Variants in NOX4 observed in about 807,000 individuals in gnomAD.
NOX4 encodes the protein kidney oxidase-1.
A neutral mutation model predicts 87.6 loss-of-function variants in NOX4; 69 were observed. That is an observed-to-expected ratio of 0.79 (90% CI 0.65 to 0.96). NOX4 has a LOEUF of 0.96. Among genes scored for constraint, NOX4 ranks in the 40% least tolerant of loss-of-function variants. The probability of loss-of-function intolerance (pLI) is 0.00; values close to 1 mark genes in which losing one functional copy is unlikely to be tolerated. For synonymous variants in NOX4, 275 were observed against 238.2 expected, an observed-to-expected ratio of 1.15 and a Z score of -1.42; for missense variants, 680 against 681.5, an observed-to-expected ratio of 1.00 and a Z score of 0.02.
chr11:89,357,843 C>T (rs114813737), intron 12 of NOX4, among the ~76,000 whole-genome samples: 172 of 152,038 alleles, frequency 1.1e-3, no homozygotes, highest in African/African-American at 4.0e-3. Flanking sequence ...GGACATATGA[C>T]AATAATTCCA....
At chr11:89,494,845 G>A (rs979624960), upstream of NOX4, among the ~76,000 whole-genome samples, 17 of 152,192 alleles carry the variant, frequency 1.1e-4, no homozygotes, top group African/African-American at 4.1e-4. Flanking sequence ...GATGTCATGG[G>A]CTAAAACAAC....
At chr11:89,560,961 C>CCTCTCT in the NOX4 span, among the ~76,000 whole-genome samples, 2 of 52,560 alleles carry the variant, frequency 3.8e-5, no homozygotes, top group Non-Finnish European at 6.4e-5. Context: ...CATCTCATCT[C>CCTCTCT]GTCTCTCTCT....
rs1470299274 is a variant in NOX4 at position 89,444,162 on chromosome 11, T to G, written c.420A>C (p.Glu140Asp). The G allele has an allele frequency of 1.2e-6, 2 of 1,613,582 alleles. No individual in the cohort carries two copies. Among genetic ancestry groups the G allele is most frequent in the Non-Finnish European group, 1.7e-6 (2 of 1,179,716 alleles). The change falls in exon 5 of 18, where the codon GAA becomes GAC. Residue 140 changes from glutamate to aspartate, a missense_variant. Coordinates refer to ENST00000263317, the MANE Select transcript of NOX4 (RefSeq NM_016931.5). Reference sequence around the variant, plus strand: ...CATCTCGGTATCTTGCTGCATTCAGTTCAACAAAGTCTTCACTGTAATTCA... The same window carrying G: ...CATCTCGGTATCTTGCTGCATTCAGGTCAACAAAGTCTTCACTGTAATTCA... ...FSVNYSEDFV[E>D]LNAARYRDED...
intron 4 of NOX4, among the ~76,000 whole-genome samples, chr11:89,448,976 T>C (rs1294498407): frequency 6.6e-6 from 1 of 152,200 alleles, no homozygotes; most frequent in Non-Finnish European, 1.5e-5. Context: ...CTTCCAGTAT[T>C]TCTTACTGGA....
At chr11:89,585,852 G>A in the NOX4 span, among the ~76,000 whole-genome samples, 2 of 152,074 alleles carry the variant, frequency 1.3e-5, no homozygotes, top group Admixed American at 1.3e-4. Context: ...TAAAGAATCT[G>A]CTGACTGATT....
chr11:89,412,080 C>T (rs1287554717), intron 8 of NOX4, among the ~76,000 whole-genome samples: 1 of 152,024 alleles, frequency 6.6e-6, no homozygotes, highest in Non-Finnish European at 1.5e-5. Flanking sequence ...CCAAAAAAAT[C>T]ATAATGTGAT....
At chr11:89,333,171 T>G (rs116055704) in intron 17 of NOX4, among the ~76,000 whole-genome samples, 4,411 of 151,866 alleles carry the variant, frequency 0.029, 207 homozygotes, top group African/African-American at 0.1. Flanking sequence ...AGGAGTCATG[T>G]TATTCATACT....
chr11:89,492,466 C>T (rs1021209354), upstream of NOX4, among the ~76,000 whole-genome samples: 7 of 152,196 alleles, frequency 4.6e-5, no homozygotes, highest in Admixed American at 2.6e-4. Flanking sequence ...AAAAATACTA[C>T]TACTCTCACT....
chr11:89,449,603 T>G (rs1180645676), intron 3 of NOX4, 79 bp from the exon 4 acceptor site: 1 of 1,137,692 alleles, frequency 8.8e-7, no homozygotes, highest in African/African-American at 1.6e-5. Flanking sequence ...TTGTTCATTA[T>G]GTCAAAATTT....
At chr11:89,387,251 A>G (rs2135120060) in intron 11 of NOX4, among the ~76,000 whole-genome samples, 1 of 152,248 alleles carries the variant, frequency 6.6e-6, no homozygotes, top group South Asian at 2.1e-4. Context: ...AAGTAACTGA[A>G]GAGTCACAGA....
At chr11:89,436,880 C>T (rs1462316942) in intron 6 of NOX4, among the ~76,000 whole-genome samples, 2 of 151,976 alleles carry the variant, frequency 1.3e-5, no homozygotes, top group Non-Finnish European at 2.9e-5. Context: ...ATGTTTATAA[C>T]ATTTCTTATG....
chr11:89,363,646 A>G (rs1257887733), intron 12 of NOX4, among the ~76,000 whole-genome samples: 2 of 152,106 alleles, frequency 1.3e-5, no homozygotes, highest in East Asian at 3.9e-4. Context: ...TTTTCCTTAG[A>G]AGTATGCATA....
chr11:89,437,134 A>T (rs1191763456), intron 6 of NOX4, among the ~76,000 whole-genome samples: 1 of 152,016 alleles, frequency 6.6e-6, no homozygotes, highest in East Asian at 1.9e-4. Context: ...AGGCTGAGGC[A>T]AGCAGATCAT....
At chr11:89,329,988 ATT>A (rs1945400378) in intron 17 of NOX4, among the ~76,000 whole-genome samples, 1 of 152,106 alleles carries the variant, frequency 6.6e-6, no homozygotes, top group Non-Finnish European at 1.5e-5. Flanking sequence ...TAAAATATTT[ATT>A]TTGTCTAATT....
chr11:89,330,058 T>G (rs1435606708), intron 17 of NOX4, among the ~76,000 whole-genome samples: 7 of 152,102 alleles, frequency 4.6e-5, no homozygotes, highest in Non-Finnish European at 1.5e-5. Flanking sequence ...TAATGAGAAC[T>G]ATAACATATG....
In NOX4 at chr11:89,440,726, G is replaced by T; in HGVS notation, c.448-11C>A. ...AAGTTTTCTAGGATCCTGAGAAAAA[G>T]AAAAAAAAATAAATGATTAAAAACT... On this transcript the variant is annotated splice_polypyrimidine_tract_variant and intron_variant, in intron 5 of 17. Transcript: ENST00000263317. The T allele has an allele frequency of 6.9e-7, 1 of 1,448,338 alleles. No individual in the cohort carries two copies. The highest frequency in any genetic ancestry group is 9.5e-7 in the Non-Finnish European group (1 of 1,055,966). 89.7% of individuals were successfully genotyped at this position (1,448,338 alleles called of 1,614,324 possible).
At chr11:89,539,735 C>G in the NOX4 span, among the ~76,000 whole-genome samples, 1,945 of 152,196 alleles carry the variant, frequency 0.013, 40 homozygotes, top group African/African-American at 0.045. Context: ...TGATAGACTC[C>G]TAAGTCCTGA....
At chr11:89,575,462 A>T in the NOX4 span, among the ~76,000 whole-genome samples, 1 of 152,088 alleles carries the variant, frequency 6.6e-6, no homozygotes, top group African/African-American at 2.4e-5. Flanking sequence ...AATGAGAGAA[A>T]TTGAGTAAAA....
At chr11:89,409,633 A>T (rs1162393387) in intron 8 of NOX4, among the ~76,000 whole-genome samples, 1 of 152,200 alleles carries the variant, frequency 6.6e-6, no homozygotes, top group Non-Finnish European at 1.5e-5. Flanking sequence ...GTCCATAATT[A>T]CTATAGAGAA....
Sources: allele counts gnomAD v4.1 joint callset (sites outside exome capture counted in the v4.1 genomes callset), GRCh38; gene constraint gnomAD v4.1.1; transcripts MANE v1.5; gene names NCBI Gene and HGNC (gene_info 2026-07-23, HGNC 2026-07-21).